BAZ1A: variants seen among roughly 807,000 people sequenced by gnomAD.
BAZ1A encodes bromodomain adjacent to zinc finger domain protein 1A.
Under a neutral mutation model 185.2 loss-of-function variants are expected in BAZ1A, and 50 were observed. The ratio of observed to expected loss-of-function variants is 0.27; its 90% CI spans 0.22 to 0.34. The LOEUF (loss-of-function observed/expected upper bound fraction) is 0.34, where lower values mean the gene tolerates loss of function less well. Among genes scored for constraint, BAZ1A ranks in the 10% least tolerant of loss-of-function variants. The probability of loss-of-function intolerance (pLI) is 1.00; values close to 1 mark genes in which losing one functional copy is unlikely to be tolerated. For missense variants in BAZ1A, 1,356 were observed against 1,839.9 expected (o/e 0.74, Z 4.81); for synonymous variants, 571 against 615.6 (o/e 0.93, Z 1.07).
intron 12 of BAZ1A, 30 bp from the exon 13 acceptor site, chr14:34,786,251 G>A (rs1284796754): frequency 1.6e-5 from 25 of 1,558,506 alleles, no homozygotes; most frequent in Non-Finnish European, 2.1e-5. Flanking sequence ...TTATTCTAGT[G>A]CAAATCAAAG....
chr14:34,874,168 GGGCGAGGCGGGGAGTTTCCGCCGCCCCGC>G lies in BAZ1A; in HGVS notation c.113+295_113+323del, dbSNP rs1459547739. Among the ~76,000 whole-genome samples the G allele has an allele frequency of 1.3e-5, 2 of 152,024 alleles. No homozygotes were observed. The highest frequency in any genetic ancestry group is 2.9e-5 in the Non-Finnish European group (2 of 67,960). On this transcript the variant is annotated intron_variant, in intron 2 of 26. Transcript: ENST00000360310. This position sits in a 1 kb window ranked among gnomAD's most constrained non-coding sequence, Gnocchi z 4.7. ...GTGCGCGTGTGGCCGCGGCGGGGAG[GGGCGAGGCGGGGAGTTTCCGCCGCCCCGC>G]GGCCAAGAGGGCGGGAGGGCGACAG...
intron 18 of BAZ1A, among the ~76,000 whole-genome samples, chr14:34,775,253 G>GA (rs1879517532): frequency 1.3e-5 from 2 of 151,960 alleles, no homozygotes; most frequent in Non-Finnish European, 2.9e-5. Context: ...TTTTAATCCT[G>GA]AAAAAAACTG....
At chr14:34,785,731 G>A in intron 14 of BAZ1A, 46 bp downstream of exon 14, 1 of 1,542,472 alleles carries the variant, frequency 6.5e-7, no homozygotes, top group South Asian at 1.1e-5. Context: ...GGGCATAAGA[G>A]GGAGGAAGTG....
At chr14:34,784,355 G>T (rs1880268715) in intron 14 of BAZ1A, among the ~76,000 whole-genome samples, 1 of 92,920 alleles carries the variant, frequency 1.1e-5, no homozygotes, top group Admixed American at 1.5e-4. Context: ...GCAACTGAGT[G>T]AGACTCTGTC....
At chr14:34,769,352 A>G (rs1274871912) in intron 21 of BAZ1A, among the ~76,000 whole-genome samples, 1 of 152,160 alleles carries the variant, frequency 6.6e-6, no homozygotes, top group Non-Finnish European at 1.5e-5. Context: ...TTCAACCAAT[A>G]TTTAACTTTG....
rs138557391 is a variant in BAZ1A at position 34,783,049 on chromosome 14, G to A, written c.2111+70C>T. The A allele has an allele frequency of 2.6e-4, 304 of 1,178,634 alleles. 4 individuals are homozygous for A. The East Asian group carries it at 6.0e-3, about 23-fold the overall frequency. 73.0% of individuals were successfully genotyped at this position (1,178,634 alleles called of 1,614,324 possible). On this transcript the variant is annotated intron_variant, in intron 16 of 26. Transcript: ENST00000360310. ...TTCTAAAAATGTGAAAGCATTTTTA[G>A]AGTTTAAGGTGTCTGGTTTTTATTC... is the stretch of plus-strand genomic sequence containing the variant.
At chr14:34,849,182 C>T (rs1021682905) in intron 3 of BAZ1A, among the ~76,000 whole-genome samples, 4 of 152,032 alleles carry the variant, frequency 2.6e-5, no homozygotes, top group African/African-American at 7.2e-5. Context: ...CCCAGCTACT[C>T]GGGAGGCTGA....
At chr14:34,863,452 C>T (rs1024977387) in intron 2 of BAZ1A, among the ~76,000 whole-genome samples, 1 of 151,936 alleles carries the variant, frequency 6.6e-6, no homozygotes, top group African/African-American at 2.4e-5. Context: ...TGTGAGCCAC[C>T]GCGCCCGGCC....
At chr14:34,869,897 C>T (rs901501838) in intron 2 of BAZ1A, among the ~76,000 whole-genome samples, 21 of 152,168 alleles carry the variant, frequency 1.4e-4, no homozygotes, top group African/African-American at 5.1e-4. Flanking sequence ...CCATGTGAAA[C>T]AGCCTCTTTC....
At position 34,753,688 on chromosome 14, in the gene BAZ1A, G is replaced by A; in HGVS notation, c.4491C>T (p.Asp1497=). Residue 1497 remains aspartate (D), a synonymous_variant, in exon 27 of 27, where the codon GAC becomes GAT. Coordinates refer to ENST00000360310, the MANE Select transcript of BAZ1A (RefSeq NM_013448.3). ...AGCAGTTCGAAAACATTAACTCAATGTCATCAATAAACTCAGCTAGAAAGG... is the reference window on the plus strand; with the variant it reads ...AGCAGTTCGAAAACATTAACTCAATATCATCAATAAACTCAGCTAGAAAGG... The part of the protein sequence containing the change: ...EYKLASEFID[D]IELMFSNCFE... 1 of 1,586,922 alleles carries A rather than the reference G, an allele frequency of 6.3e-7. No individual in the cohort carries two copies. The highest frequency in any genetic ancestry group is 8.6e-7 in the Non-Finnish European group (1 of 1,159,986).
Position 34,783,830 on chromosome 14 carries a change from CT to C in BAZ1A, c.1928del (p.Gln643ArgfsTer9). ...TTAATTCCCGGAACTCCTGCTTTGC[CT>C]GTCGTAATATATCAACATAATCTTC... is the stretch of plus-strand genomic sequence containing the variant. Reference protein sequence around the residue: ...FIEDYVDILRQAKQEFRELKA... With the variant: ...FIEDYVDILRXAKQEFRELKA... On this transcript the variant is annotated frameshift_variant, in exon 15 of 27. Transcript: ENST00000360310. LOFTEE classifies it high-confidence loss of function. The C allele has an allele frequency of 6.2e-7, 1 of 1,613,498 alleles. No homozygotes were observed. The highest frequency in any genetic ancestry group is 8.5e-7 in the Non-Finnish European group (1 of 1,179,812).
chr14:34,869,666 C>G (rs933123176), intron 2 of BAZ1A, among the ~76,000 whole-genome samples: 1 of 152,110 alleles, frequency 6.6e-6, no homozygotes, highest in Non-Finnish European at 1.5e-5. Context: ...GATGACCCAA[C>G]TATAAAATTG....
At chr14:34,785,446 C>T (rs1409399323) in intron 14 of BAZ1A, among the ~76,000 whole-genome samples, 1 of 152,132 alleles carries the variant, frequency 6.6e-6, no homozygotes, top group African/African-American at 2.4e-5. Context: ...ACCTCAAACA[C>T]TTATTCAAGT....
chr14:34,783,350 G>A (rs1242788745), intron 15 of BAZ1A, 118 bp from the exon 16 acceptor site: 1 of 541,114 alleles, frequency 1.8e-6, no homozygotes, highest in Admixed American at 3.4e-5. Flanking sequence ...AAACTATAAT[G>A]TAGTAATCAT....
At chr14:34,765,739 C>G (rs992980316) in intron 21 of BAZ1A, among the ~76,000 whole-genome samples, 1 of 152,136 alleles carries the variant, frequency 6.6e-6, no homozygotes, top group Non-Finnish European at 1.5e-5. Context: ...TTAATACTAC[C>G]AAAATGGATT....
intron 11 of BAZ1A, among the ~76,000 whole-genome samples, chr14:34,794,153 T>A (rs1019250361): frequency 2.0e-5 from 3 of 152,026 alleles, no homozygotes; most frequent in Non-Finnish European, 4.4e-5. Flanking sequence ...ATGAGTGGCA[T>A]TATAATTCTC....
chr14:34,777,966 C>A (rs1879760925), intron 17 of BAZ1A, among the ~76,000 whole-genome samples: 1 of 152,126 alleles, frequency 6.6e-6, no homozygotes, highest in African/African-American at 2.4e-5. Context: ...ACATCCCAGC[C>A]TGGGTGACAG....
At chr14:34,856,227 C>T (rs1040001357) in intron 3 of BAZ1A, among the ~76,000 whole-genome samples, 7 of 151,796 alleles carry the variant, frequency 4.6e-5, no homozygotes, top group Admixed American at 1.3e-4. Flanking sequence ...TTACCTTATT[C>T]ACAACTTTAA....
intron 24 of BAZ1A, among the ~76,000 whole-genome samples, chr14:34,759,702 T>G (rs1886442639): frequency 6.6e-6 from 1 of 151,944 alleles, no homozygotes; most frequent in South Asian, 2.1e-4. Context: ...TGAGACAGAG[T>G]CTTGCTTTGT....
Sources: allele counts gnomAD v4.1 joint callset (sites outside exome capture counted in the v4.1 genomes callset), GRCh38; gene constraint gnomAD v4.1.1; non-coding constraint Gnocchi (gnomAD v3.1); transcripts MANE v1.5; gene names NCBI Gene and HGNC (gene_info 2026-07-23, HGNC 2026-07-21).